Variants in PAG1 observed in about 807,000 individuals in gnomAD.
PAG1 encodes the protein phosphoprotein associated with glycosphingolipid-enriched microdomains 1.
A neutral mutation model predicts 31.7 loss-of-function variants in PAG1; 23 were observed. The observed-to-expected ratio is 0.73, with a 90% CI of 0.52 to 1.03. The LOEUF (loss-of-function observed/expected upper bound fraction) is 1.03, where lower values mean the gene tolerates loss of function less well. Ranked by LOEUF, PAG1 falls within the 50% of genes least tolerant of loss-of-function variation. The pLI, the probability that PAG1 is intolerant of heterozygous loss-of-function variation, is 0.00. For missense variants in PAG1, 473 were observed against 540.7 expected (o/e 0.87, Z 1.24); for synonymous variants, 214 against 210.3 (o/e 1.02, Z -0.15).
chr8:81,007,636 C>CAAAAA (rs58612249), intron 3 of PAG1, among the ~76,000 whole-genome samples: 94 of 49,590 alleles, frequency 1.9e-3, no homozygotes, highest in African/African-American at 3.6e-3. Flanking sequence ...GACTCTGTCT[C>CAAAAA]AAAAAAAAAA....
intron 1 of PAG1, among the ~76,000 whole-genome samples, chr8:81,107,278 G>T (rs1809707614): frequency 6.6e-6 from 1 of 152,186 alleles, no homozygotes; most frequent in Non-Finnish European, 1.5e-5. Context: ...CCTGGCAGTG[G>T]CTAAGAAGGT....
intron 1 of PAG1, among the ~76,000 whole-genome samples, chr8:81,107,388 T>A (rs1809709618): frequency 6.6e-6 from 1 of 152,156 alleles, no homozygotes; most frequent in Admixed American, 6.5e-5. Flanking sequence ...TTATGTAATA[T>A]ATAAATCCAT....
intron 7 of PAG1, among the ~76,000 whole-genome samples, chr8:80,981,862 C>CCTTTCTT (rs1554598378): frequency 9.7e-6 from 1 of 103,426 alleles, no homozygotes; most frequent in African/African-American, 5.0e-5. Flanking sequence ...ATCTCACTTC[C>CCTTTCTT]TTTTTTTTTT....
At chr8:81,044,663 T>C (rs141384332) in intron 2 of PAG1, among the ~76,000 whole-genome samples, 1 of 152,260 alleles carries the variant, frequency 6.6e-6, no homozygotes, top group Non-Finnish European at 1.5e-5. Flanking sequence ...TCCAACTCCT[T>C]AGAGATCTCA....
chr8:80,995,774 C>A (rs374814012), intron 3 of PAG1, among the ~76,000 whole-genome samples: 4 of 152,174 alleles, frequency 2.6e-5, no homozygotes, highest in African/African-American at 9.7e-5. Context: ...GAATCGCCAA[C>A]AACTCTCTCC....
intron 2 of PAG1, among the ~76,000 whole-genome samples, chr8:81,036,339 C>T (rs1410601146): frequency 6.6e-6 from 1 of 152,136 alleles, no homozygotes; most frequent in Non-Finnish European, 1.5e-5. Context: ...TACACACATT[C>T]CTTATTTGTC....
At chr8:80,986,858 T>G (rs1403762941) in intron 6 of PAG1, among the ~76,000 whole-genome samples, 5 of 152,010 alleles carry the variant, frequency 3.3e-5, no homozygotes, top group Non-Finnish European at 7.4e-5. Flanking sequence ...GGCCAATGGA[T>G]TCTCCTTGAG....
At chr8:80,989,867 C>T (rs1255504454) in intron 5 of PAG1, among the ~76,000 whole-genome samples, 1 of 152,086 alleles carries the variant, frequency 6.6e-6, no homozygotes, top group Non-Finnish European at 1.5e-5. Flanking sequence ...GAGGTCCAGG[C>T]CACACTGCAG....
rs1256051860 is a variant in PAG1 at position 81,036,675 on chromosome 8, G to A, written c.-174-6586C>T. Among the ~76,000 whole-genome samples, 5 of 152,058 alleles carry A rather than the reference G, an allele frequency of 3.3e-5. No individual in the cohort carries two copies. The South Asian group carries it at 6.2e-4, about 19-fold the overall frequency. On this transcript the variant is annotated intron_variant, in intron 2 of 8. Transcript: ENST00000220597. ...CAACGCTTCTGCCTCCCTTATCCTC[G>A]GATTCTTGTTTTCATCAGCCGCTCT...
intron 1 of PAG1, among the ~76,000 whole-genome samples, chr8:81,108,970 G>A (rs1809734334): frequency 6.6e-6 from 1 of 152,202 alleles, no homozygotes; most frequent in Non-Finnish European, 1.5e-5. Flanking sequence ...ATTGATTACT[G>A]CTGCCGTGGT....
At chr8:81,063,353 AC>A (rs954989122) in intron 2 of PAG1, among the ~76,000 whole-genome samples, 2 of 152,184 alleles carry the variant, frequency 1.3e-5, no homozygotes, top group African/African-American at 4.8e-5. Flanking sequence ...GAAGGCAGCC[AC>A]AGCTTCATTA....
chr8:81,002,392 C>T (rs75776511), intron 3 of PAG1, among the ~76,000 whole-genome samples: 1 of 152,210 alleles, frequency 6.6e-6, no homozygotes, highest in Admixed American at 6.5e-5. Context: ...ACTACAAATG[C>T]CCCCTTTCGG....
rs79962014 is a variant in PAG1, at chr8:80,991,314, G to A, written c.177+165C>T. ...GTTGGAGCCATTTAAGGATCATTCC[G>A]GCAGCAGCACTACTGCATCCATTTC... On this transcript the variant is annotated intron_variant, in intron 5 of 8. Coordinates refer to ENST00000220597, the MANE Select transcript of PAG1 (RefSeq NM_018440.4). 8.1e-4 allele frequency among the ~76,000 whole-genome samples: 123 copies of A among 152,204 alleles called. No individual in the cohort carries two copies. The East Asian group carries it at 0.02, about 25-fold the overall frequency.
intron 4 of PAG1, among the ~76,000 whole-genome samples, chr8:80,992,302 C>T (rs1807567764): frequency 6.6e-6 from 1 of 152,198 alleles, no homozygotes; most frequent in Non-Finnish European, 1.5e-5. Context: ...CTTTTCTCCT[C>T]CTGACAGATT....
At chr8:81,085,740 T>TA in intron 1 of PAG1, among the ~76,000 whole-genome samples, 1 of 152,332 alleles carries the variant, frequency 6.6e-6, no homozygotes. Context: ...GCCTGAGACC[T>TA]AAAAATAATG....
intron 2 of PAG1, among the ~76,000 whole-genome samples, chr8:81,069,413 C>A (rs1263110443): frequency 2.6e-5 from 4 of 152,132 alleles, no homozygotes; most frequent in Admixed American, 1.3e-4. Flanking sequence ...TAAAATAAAT[C>A]TTTCAAATGG....
intron 1 of PAG1, among the ~76,000 whole-genome samples, chr8:81,077,665 G>A (rs1809201552): frequency 6.6e-6 from 1 of 152,132 alleles, no homozygotes; most frequent in Non-Finnish European, 1.5e-5. Context: ...GAATTTGTTG[G>A]ATATAAAAGA....
intron 1 of PAG1, among the ~76,000 whole-genome samples, chr8:81,110,750 G>T (rs1158432929): frequency 6.6e-6 from 1 of 152,192 alleles, no homozygotes; most frequent in Non-Finnish European, 1.5e-5. Flanking sequence ...ATAGTGGGTT[G>T]TTCCTCCCAT....
At chr8:80,995,014 T>C (rs1011375281) in intron 3 of PAG1, among the ~76,000 whole-genome samples, 19 of 152,162 alleles carry the variant, frequency 1.2e-4, no homozygotes, top group African/African-American at 4.6e-4. Flanking sequence ...ACGGCAGGGG[T>C]GGCTTCGCAG....
Sources: gnomAD v4.1 joint callset for allele counts (sites outside exome capture counted in the v4.1 genomes callset) on GRCh38, gnomAD v4.1.1 for gene constraint, MANE v1.5 for transcripts, NCBI Gene and HGNC (gene_info 2026-07-23, HGNC 2026-07-21) for gene names.